The following DLGAP2 variants were observed in gnomAD, a reference collection of about 807,000 sequenced individuals.
DLGAP2 encodes the protein DLG associated protein 2, also known as disks large-associated protein 2.
DLGAP2 carries 26 observed loss-of-function variants against 100.3 expected under a neutral mutation model. That is an observed-to-expected ratio of 0.26 (90% CI 0.19 to 0.36). The LOEUF is 0.36. DLGAP2 is among the 10% of genes least tolerant of loss of function. The probability of loss-of-function intolerance (pLI) is 1.00; values close to 1 mark genes in which losing one functional copy is unlikely to be tolerated. For missense variants in DLGAP2, 1,858 were observed against 1,453.2 expected (o/e 1.28, Z -4.53); for synonymous variants, 886 against 630.1 (o/e 1.41, Z -6.08).
At chr8:893,577 G>A (rs115839859) in intron 1 of DLGAP2, among the ~76,000 whole-genome samples, 3,212 of 152,348 alleles carry the variant, frequency 0.021, 112 homozygotes, top group African/African-American at 0.071. Flanking sequence ...CTTCCATCCA[G>A]TGTGGCCCTG....
At chr8:1,577,876 C>G (rs1584948061) in intron 6 of DLGAP2, among the ~76,000 whole-genome samples, 1 of 152,196 alleles carries the variant, frequency 6.6e-6, no homozygotes. Flanking sequence ...AAGTCCTGAG[C>G]CCCGCCCGGT....
chr8:809,258 A>G (rs761317219), intron 1 of DLGAP2, among the ~76,000 whole-genome samples: 1 of 152,130 alleles, frequency 6.6e-6, no homozygotes, highest in Admixed American at 6.5e-5. Context: ...ACGTGGGCAC[A>G]CTTCGATGAT....
At chr8:1,449,182 C>T (rs928424021) in intron 3 of DLGAP2, among the ~76,000 whole-genome samples, 1 of 152,180 alleles carries the variant, frequency 6.6e-6, no homozygotes, top group African/African-American at 2.4e-5. Context: ...TCACGCTGAC[C>T]ACACAGCACA....
intron 2 of DLGAP2, among the ~76,000 whole-genome samples, chr8:1,172,206 T>G (rs1797143418): frequency 6.6e-6 from 1 of 152,198 alleles, no homozygotes; most frequent in Non-Finnish European, 1.5e-5. Context: ...ATGTTGAATA[T>G]TGGCCCCCAC....
intron 6 of DLGAP2, among the ~76,000 whole-genome samples, chr8:1,584,125 C>T (rs1161234658): frequency 1.3e-5 from 2 of 152,162 alleles, no homozygotes; most frequent in African/African-American, 4.8e-5. Context: ...ATTGCGCCTT[C>T]ACTGTGAGGC....
intron 2 of DLGAP2, among the ~76,000 whole-genome samples, chr8:1,244,726 G>C (rs1455217958): frequency 2.0e-5 from 3 of 152,200 alleles, no homozygotes; most frequent in Non-Finnish European, 4.4e-5. Context: ...TGGTTTCTTA[G>C]AGATGACACC....
At position 1,058,463 on chromosome 8, in the gene DLGAP2, G is replaced by A. The variant is rs146502020; in HGVS notation, c.73+150497G>A. ...AATCATCAATAGAACTCTAAGGGTG[G>A]CTTCTAATACCTGCCCATGCACCCA... On this transcript the variant is annotated intron_variant, in intron 2 of 14. Coordinates refer to ENST00000637795, the MANE Select transcript of DLGAP2 (RefSeq NM_001346810.2). Among the ~76,000 whole-genome samples the A allele has an allele frequency of 2.6e-3, 402 of 152,310 alleles. 1 individual carries two copies. Among genetic ancestry groups the A allele is most frequent in the African/African-American group, 9.4e-3 (391 of 41,562 alleles).
rs1467207523 is a variant in DLGAP2, at chr8:1,277,698, C to T, written c.106+18815C>T. On this transcript the variant is annotated intron_variant, in intron 3 of 14. Transcript: ENST00000637795. ...GTGGTGGGGTGGGCTTCCAGGCTGG[C>T]AGCAGCTGCACCGAGGTCGGGGCAG... 3.3e-5 allele frequency among the ~76,000 whole-genome samples: 5 copies of T among 152,124 alleles called. No individual in the cohort carries two copies. In the East Asian group the frequency reaches 9.7e-4, roughly 29 times the overall value.
At chr8:1,639,855 C>A (rs138540290) in intron 8 of DLGAP2, among the ~76,000 whole-genome samples, 6 of 152,208 alleles carry the variant, frequency 3.9e-5, no homozygotes, top group Non-Finnish European at 8.8e-5. Context: ...CTGACTCTGA[C>A]CCCCTCCCTT....
At chr8:1,059,530 G>A (rs915921750) in intron 2 of DLGAP2, among the ~76,000 whole-genome samples, 2 of 152,156 alleles carry the variant, frequency 1.3e-5, no homozygotes, top group Non-Finnish European at 2.9e-5. Flanking sequence ...GGCGAGTGTG[G>A]GCTGTTCAGT....
At chr8:1,178,715 G>A (rs574272359) in intron 2 of DLGAP2, among the ~76,000 whole-genome samples, 1 of 152,264 alleles carries the variant, frequency 6.6e-6, no homozygotes, top group East Asian at 1.9e-4. Context: ...AGCAACTGCT[G>A]GGCAGTGCTT....
intron 1 of DLGAP2, among the ~76,000 whole-genome samples, chr8:800,668 G>A (rs1585877143): frequency 6.6e-6 from 1 of 152,162 alleles, no homozygotes; most frequent in South Asian, 2.1e-4. Context: ...GTGTGCATGT[G>A]TGTACATGTA....
chr8:798,025 C>T (rs1260311943), intron 1 of DLGAP2, among the ~76,000 whole-genome samples: 3 of 152,244 alleles, frequency 2.0e-5, no homozygotes, highest in Admixed American at 1.3e-4. Context: ...GCTGGGATTA[C>T]AGGCGTGAGC....
intron 2 of DLGAP2, among the ~76,000 whole-genome samples, chr8:935,641 C>T (rs925940735): frequency 3.9e-5 from 6 of 152,184 alleles, no homozygotes; most frequent in Middle Eastern, 3.4e-3. Flanking sequence ...GTTTCAGGGC[C>T]GGGTGTGCCT....
At chr8:1,354,184 C>G (rs13250486) in intron 3 of DLGAP2, among the ~76,000 whole-genome samples, 2 of 151,916 alleles carry the variant, frequency 1.3e-5, no homozygotes, top group African/African-American at 4.8e-5. Context: ...AACCTGCTCA[C>G]CAGTGGGATG....
At chr8:1,462,829 G>A (rs972084272) in intron 3 of DLGAP2, among the ~76,000 whole-genome samples, 3 of 152,236 alleles carry the variant, frequency 2.0e-5, no homozygotes, top group Non-Finnish European at 4.4e-5. Flanking sequence ...ACACGGCGGC[G>A]GCTTCTGATT....
intron 2 of DLGAP2, among the ~76,000 whole-genome samples, chr8:1,226,050 T>A (rs1245561931): frequency 1.3e-5 from 2 of 152,164 alleles, no homozygotes; most frequent in African/African-American, 4.8e-5. Flanking sequence ...GAAGAGGAAT[T>A]GCTGAGTCAT....
intron 3 of DLGAP2, among the ~76,000 whole-genome samples, chr8:1,286,617 C>G (rs932821858): frequency 2.6e-5 from 4 of 152,204 alleles, no homozygotes; most frequent in Non-Finnish European, 5.9e-5. Context: ...CTGTAATGAT[C>G]TAGTCTGACC....
chr8:1,162,053 C>T (rs1796902333), intron 2 of DLGAP2, among the ~76,000 whole-genome samples: 3 of 152,180 alleles, frequency 2.0e-5, no homozygotes, highest in Admixed American at 2.0e-4. Flanking sequence ...AGCCCGGAGC[C>T]TGCGTTTGCA....
Sources: allele counts gnomAD v4.1 joint callset (sites outside exome capture counted in the v4.1 genomes callset), GRCh38; gene constraint gnomAD v4.1.1; transcripts MANE v1.5; gene names NCBI Gene and HGNC (gene_info 2026-07-23, HGNC 2026-07-21).